The following ZNF532 variants were observed in gnomAD, a reference collection of about 807,000 sequenced individuals.
ZNF532 encodes zinc finger protein 532.
A neutral mutation model predicts 89.3 loss-of-function variants in ZNF532; 22 were observed. The ratio of observed to expected loss-of-function variants is 0.25; its 90% CI spans 0.18 to 0.35. ZNF532 has a LOEUF of 0.35. Ranked by LOEUF, ZNF532 falls within the 10% of genes least tolerant of loss-of-function variation. The pLI is 1.00. For synonymous variants in ZNF532, 606 were observed against 649.6 expected, an observed-to-expected ratio of 0.93 and a Z score of 1.02; for missense variants, 1,132 against 1,643.4, an observed-to-expected ratio of 0.69 and a Z score of 5.38.
chr18:58,966,475 C>T (rs1458610690), intron 7 of ZNF532, among the ~76,000 whole-genome samples: 1 of 152,046 alleles, frequency 6.6e-6, no homozygotes, highest in East Asian at 1.9e-4. Flanking sequence ...CAAGCTTGCC[C>T]CAGTACCAGG....
At chr18:58,949,811 C>A (rs1437720440) in intron 6 of ZNF532, among the ~76,000 whole-genome samples, 1 of 152,174 alleles carries the variant, frequency 6.6e-6, no homozygotes, top group Non-Finnish European at 1.5e-5. Context: ...TGTGTGAGTT[C>A]ATATAGAGTA....
intron 2 of ZNF532, among the ~76,000 whole-genome samples, chr18:58,886,038 G>A (rs12458643): frequency 6.6e-6 from 1 of 151,778 alleles, no homozygotes; most frequent in East Asian, 1.9e-4. Flanking sequence ...GTGTAGTGGC[G>A]CCATCTCAGC....
In ZNF532 at chr18:58,920,024, T is replaced by G. The variant is rs2060910133; in HGVS notation, c.1737T>G (p.Ser579=). The change falls in exon 3 of 10, where the codon TCT becomes TCG. Residue 579 remains serine (S), a synonymous_variant. Coordinates refer to ENST00000591808, the MANE Select transcript of ZNF532 (RefSeq NM_001375912.1). ...AGGTGGTGTCGTCCTTGCAGAGTTC[T>G]GTGGTGGAAGCTTTCAACAAGGTGC... is the stretch of plus-strand genomic sequence containing the variant. ...RVQVVSSLQS[S]VVEAFNKVLS... is the part of the protein sequence containing the mutation. 6.2e-7 allele frequency: 1 copy of G among 1,613,832 alleles called. No homozygotes were observed. Among genetic ancestry groups the G allele is most frequent in the Non-Finnish European group, 8.5e-7 (1 of 1,179,812 alleles).
Position 58,984,645 on chromosome 18 carries a change from T to G in ZNF532, c.*179T>G. ...TCCTCGATAAGTATTAAAACAGTATTTGAGTTTAAAAGAGTTTGTATATAT... is the reference window on the plus strand; with the variant it reads ...TCCTCGATAAGTATTAAAACAGTATGTGAGTTTAAAAGAGTTTGTATATAT... On this transcript the variant is annotated 3_prime_UTR_variant, in exon 10 of 10. Transcript: ENST00000591808. The G allele has an allele frequency of 2.9e-6, 2 of 681,914 alleles. No individual in the cohort carries two copies. The highest frequency in any genetic ancestry group is 4.7e-6 in the Non-Finnish European group (2 of 426,282). 42.2% of individuals were successfully genotyped at this position (681,914 alleles called of 1,614,324 possible). A position where few individuals can be genotyped will look rare whatever the true frequency, so the allele number is the denominator to read the frequency against.
chr18:58,892,558 G>A (rs920241314), intron 2 of ZNF532, among the ~76,000 whole-genome samples: 5 of 152,236 alleles, frequency 3.3e-5, no homozygotes, highest in African/African-American at 1.2e-4. Flanking sequence ...ATACTTCTGG[G>A]TGTTAGAGCA....
At chr18:58,961,902 G>A (rs1168080045) in intron 7 of ZNF532, among the ~76,000 whole-genome samples, 1 of 152,136 alleles carries the variant, frequency 6.6e-6, no homozygotes, top group African/African-American at 2.4e-5. Context: ...GTGGCCAGAT[G>A]CTCATCTGTA....
In ZNF532 at chr18:58,869,286, C is replaced by G. The variant is rs529361044; in HGVS notation, c.-18+3707C>G. On this transcript the variant is annotated intron_variant, in intron 2 of 9. Transcript: ENST00000591808. ...AGTTAAGACTCGCCGAGAAAGAGAT[C>G]GTAGTGAACATTGTCTGAAGACACA... Among the ~76,000 whole-genome samples, 72 of 152,114 alleles carry G rather than the reference C, an allele frequency of 4.7e-4. 1 individual carries two copies. The highest frequency in any genetic ancestry group is 3.8e-4 in the Non-Finnish European group (26 of 68,026).
chr18:58,890,121 C>G (rs2058778654), intron 2 of ZNF532, among the ~76,000 whole-genome samples: 5 of 150,442 alleles, frequency 3.3e-5, no homozygotes, highest in Admixed American at 3.3e-4. Context: ...GTGGCACACA[C>G]TTGTAATCCC....
chr18:58,970,089 T>G (rs534060536), intron 7 of ZNF532, among the ~76,000 whole-genome samples: 1 of 152,142 alleles, frequency 6.6e-6, no homozygotes, highest in Non-Finnish European at 1.5e-5. Flanking sequence ...TTTCACTATG[T>G]TGGTCAGGCT....
chr18:58,961,426 C>T (rs985267795), intron 7 of ZNF532, among the ~76,000 whole-genome samples: 1 of 152,216 alleles, frequency 6.6e-6, no homozygotes, highest in African/African-American at 2.4e-5. Flanking sequence ...AAGGCTGTTT[C>T]TTTCAGCCCC....
At chr18:58,883,703 G>C (rs1438658999) in intron 2 of ZNF532, among the ~76,000 whole-genome samples, 1 of 152,142 alleles carries the variant, frequency 6.6e-6, no homozygotes, top group Non-Finnish European at 1.5e-5. Context: ...TGGTTGTGGG[G>C]AGGGCTGTCC....
At position 58,920,645 on chromosome 18, in the gene ZNF532, T is replaced by C; in HGVS notation, c.2346+12T>C. 6.5e-7 allele frequency: 1 copy of C among 1,548,292 alleles called. No individual in the cohort carries two copies. Among genetic ancestry groups the C allele is most frequent in the Non-Finnish European group, 8.7e-7 (1 of 1,146,118 alleles). ...ATACGAGTGGACAAGTAGAGTATCATTTAAATTTTTGTGTTTCAGTGATGA... is the reference window on the plus strand; with the variant it reads ...ATACGAGTGGACAAGTAGAGTATCACTTAAATTTTTGTGTTTCAGTGATGA... On this transcript the variant is annotated intron_variant, in intron 3 of 9. Coordinates refer to ENST00000591808, the MANE Select transcript of ZNF532 (RefSeq NM_001375912.1).
At chr18:58,920,745 TG>T (rs2060990312) in intron 3 of ZNF532, 112 bp downstream of exon 3, 5 of 157,004 alleles carry the variant, frequency 3.2e-5, no homozygotes, top group Admixed American at 1.3e-4. Flanking sequence ...CGTGTGTGTG[TG>T]TGTGTGTGTG....
At chr18:58,888,298 AG>A (rs2058444795) in intron 2 of ZNF532, among the ~76,000 whole-genome samples, 1 of 152,224 alleles carries the variant, frequency 6.6e-6, no homozygotes, top group Admixed American at 6.5e-5. Flanking sequence ...GTGAAAGTAA[AG>A]AATCACTTAG....
At chr18:58,965,679 T>G (rs2065848953) in intron 7 of ZNF532, among the ~76,000 whole-genome samples, 1 of 152,258 alleles carries the variant, frequency 6.6e-6, no homozygotes, top group Non-Finnish European at 1.5e-5. Context: ...GGTTTTATAT[T>G]CCTTAGCTGG....
chr18:58,884,195 A>G (rs1024599402), intron 2 of ZNF532, among the ~76,000 whole-genome samples: 10 of 152,254 alleles, frequency 6.6e-5, no homozygotes, highest in Non-Finnish European at 1.2e-4. Flanking sequence ...CCTGGCCAAT[A>G]TGGTGAAACC....
intron 7 of ZNF532, among the ~76,000 whole-genome samples, chr18:58,970,602 A>T (rs1171433802): frequency 6.6e-6 from 1 of 152,240 alleles, no homozygotes; most frequent in East Asian, 1.9e-4. Context: ...CCCTCTTTCC[A>T]GGGCGTCAGT....
intron 3 of ZNF532, chr18:58,931,609 G>A (rs193091213): frequency 1.3e-5 from 2 of 152,262 alleles, no homozygotes; most frequent in East Asian, 3.9e-4. Flanking sequence ...CAAGGAGGAG[G>A]ATGTCTCCAA....
chr18:58,938,050 C>T (rs916343604), intron 4 of ZNF532, among the ~76,000 whole-genome samples: 2 of 152,184 alleles, frequency 1.3e-5, no homozygotes, highest in Non-Finnish European at 2.9e-5. Flanking sequence ...AAATAGAATG[C>T]ATACAATCCA....
Sources: allele counts gnomAD v4.1 joint callset (sites outside exome capture counted in the v4.1 genomes callset), GRCh38; gene constraint gnomAD v4.1.1; transcripts MANE v1.5; gene names NCBI Gene and HGNC (gene_info 2026-07-23, HGNC 2026-07-21).